Variants in MYBPC1 observed in about 807,000 individuals in gnomAD.
The protein encoded by MYBPC1 is myosin-binding protein C, slow-type.
MYBPC1 carries 52 observed loss-of-function variants against 147.1 expected under a neutral mutation model. The ratio of observed to expected loss-of-function variants is 0.35; its 90% CI spans 0.28 to 0.45. The LOEUF (loss-of-function observed/expected upper bound fraction) is 0.45. MYBPC1 is among the 20% of genes least tolerant of loss of function. The pLI is 1.00. For synonymous variants in MYBPC1, 477 were observed against 475.9 expected (o/e 1.00, Z -0.03); for missense variants, 1,228 against 1,440.3 (o/e 0.85, Z 2.39).
At chr12:101,643,350 A>G (rs1892453399) in intron 11 of MYBPC1, among the ~76,000 whole-genome samples, 1 of 152,176 alleles carries the variant, frequency 6.6e-6, no homozygotes, top group South Asian at 2.1e-4. Flanking sequence ...TAGTTCAGCC[A>G]TTCCCACTAT....
chr12:101,693,322 TATAGTTAC>T, the MYBPC1 span, among the ~76,000 whole-genome samples: 1 of 152,196 alleles, frequency 6.6e-6, no homozygotes, highest in East Asian at 1.9e-4. Context: ...TATGTAGATA[TATAGTTAC>T]ATAGATTGCA....
At chr12:101,656,767 C>A (rs910073878) in intron 18 of MYBPC1, among the ~76,000 whole-genome samples, 1 of 151,986 alleles carries the variant, frequency 6.6e-6, no homozygotes, top group Non-Finnish European at 1.5e-5. Context: ...TTTTGACATC[C>A]CTCTATCAGA....
At chr12:101,651,503 A>C in intron 16 of MYBPC1, 110 bp downstream of exon 16, 2 of 1,420,174 alleles carry the variant, frequency 1.4e-6, no homozygotes, top group Non-Finnish European at 9.9e-7. Flanking sequence ...TAGGGAGATC[A>C]TCTATTCCTG....
At chr12:101,682,203 A>G (rs966843802) in intron 29 of MYBPC1, among the ~76,000 whole-genome samples, 1 of 152,130 alleles carries the variant, frequency 6.6e-6, no homozygotes, top group Non-Finnish European at 1.5e-5. Context: ...AAAAACAAAA[A>G]CTAAAAAAAA....
rs771186865 is a variant in MYBPC1 at position 101,659,743 on chromosome 12, A to G, written c.1839A>G (p.Ile613Met). ...YPDSSTLVID[I>M]AERDDSGVYH... ...ATAGCAGCACTCTGGTCATTGATAT[A>G]GCTGAAAGAGATGACTCTGGTGTTT... The change falls in exon 19 of 32, where the codon ATA (isoleucine) becomes ATG (methionine). Residue 613 changes from isoleucine to methionine, a missense_variant. Physicochemically the swap from Ile to Met is conservative, Grantham distance 10. Transcript: ENST00000361466. The G allele has an allele frequency of 1.9e-6, 3 of 1,614,004 alleles. No individual in the cohort carries two copies. In the African/African-American group the frequency reaches 4.0e-5, roughly 22 times the overall value.
rs80107650 is a variant in MYBPC1 at position 101,599,978 on chromosome 12, G to T, written c.25+4883G>T. On this transcript the variant is annotated intron_variant, in intron 1 of 31. Coordinates refer to ENST00000361466, the MANE Select transcript of MYBPC1 (RefSeq NM_002465.4). ...AGTAGCCTGCTTTTATGACTGCTCC[G>T]ACTGCACCTGTTAGGAAGATAAATA... Among the ~76,000 whole-genome samples, 1,064 of 152,240 alleles carry T rather than the reference G, an allele frequency of 7.0e-3. 31 individuals are homozygous for T. The South Asian group carries it at 0.098, about 14-fold the overall frequency.
intron 14 of MYBPC1, 77 bp downstream of exon 14, chr12:101,648,227 T>C: frequency 9.9e-7 from 1 of 1,011,182 alleles, no homozygotes; most frequent in East Asian, 2.6e-5. Flanking sequence ...GAACAGGAAG[T>C]ACAAATAGCT....
chr12:101,643,293 T>TGAGAAATGGCCCCA (rs1892439657), intron 11 of MYBPC1, among the ~76,000 whole-genome samples: 1 of 152,200 alleles, frequency 6.6e-6, no homozygotes, highest in African/African-American at 2.4e-5. Flanking sequence ...GGAAACTGGT[T>TGAGAAATGGCCCCA]GAGAAATGGC....
chr12:101,634,519 G>A, intron 8 of MYBPC1, 35 bp from the exon 9 acceptor site: 1 of 1,538,756 alleles, frequency 6.5e-7, no homozygotes, highest in Non-Finnish European at 9.0e-7. Flanking sequence ...CCTCCTTAAT[G>A]GGTATTTATG....
intron 28 of MYBPC1, among the ~76,000 whole-genome samples, chr12:101,679,189 C>A (rs909268946): frequency 6.6e-6 from 1 of 150,452 alleles, no homozygotes; most frequent in African/African-American, 2.4e-5. Flanking sequence ...AGAAGTCAGA[C>A]TAAGGATGAG....
chr12:101,649,715 C>T (rs1388567164), intron 15 of MYBPC1, among the ~76,000 whole-genome samples: 1 of 152,088 alleles, frequency 6.6e-6, no homozygotes, highest in East Asian at 1.9e-4. Context: ...TACTTAGATA[C>T]GATGTCATAT....
chr12:101,666,868 A>G (rs1897535435), intron 22 of MYBPC1: 24 of 1,277,832 alleles, frequency 1.9e-5, no homozygotes, highest in Admixed American at 3.5e-5. Context: ...TGAATGACCA[A>G]GCATGAAGAA....
intron 30 of MYBPC1, among the ~76,000 whole-genome samples, chr12:101,683,083 AT>A (rs900924820): frequency 8.5e-5 from 13 of 152,062 alleles, no homozygotes; most frequent in African/African-American, 3.1e-4. Flanking sequence ...CATTTCAAAC[AT>A]TTTTTTTGAT....
At chr12:101,692,947 C>CTTTTT in the MYBPC1 span, among the ~76,000 whole-genome samples, 5 of 129,130 alleles carry the variant, frequency 3.9e-5, no homozygotes, top group African/African-American at 5.7e-5. Flanking sequence ...ATTACCTTCA[C>CTTTTT]TTTTTTTTTT....
intron 25 of MYBPC1, 78 bp downstream of exon 25, chr12:101,673,700 C>A: frequency 6.6e-7 from 1 of 1,506,144 alleles, no homozygotes; most frequent in Non-Finnish European, 9.2e-7. Flanking sequence ...AAGGCAAGAG[C>A]AGGAGTTTTG....
At chr12:101,612,766 G>T (rs538308777) in intron 1 of MYBPC1, among the ~76,000 whole-genome samples, 2 of 152,202 alleles carry the variant, frequency 1.3e-5, no homozygotes, top group Non-Finnish European at 2.9e-5. Context: ...TCTGATATCC[G>T]TGTGCTGCAA....
intron 13 of MYBPC1, among the ~76,000 whole-genome samples, chr12:101,647,795 G>A (rs1893529202): frequency 6.6e-6 from 1 of 152,202 alleles, no homozygotes; most frequent in South Asian, 2.1e-4. Context: ...GCTGAGGCAG[G>A]AGAATTGCTT....
rs146949655 is a variant in MYBPC1, at chr12:101,659,765, G to A, written c.1861G>A (p.Val621Ile). ...TATAGCTGAAAGAGATGACTCTGGT[G>A]TTTACCACATCAATCTGAAAAACGA... is the stretch of plus-strand genomic sequence containing the variant. ...IDIAERDDSG[V>I]YHINLKNEAG... Residue 621 changes from valine to isoleucine, a missense_variant, in exon 19 of 32, where the codon GTT becomes ATT. This residue lies in a region of MYBPC1 where 1,077 missense variants were observed against 1,314.2 expected (regional missense o/e 0.82). Coordinates refer to ENST00000361466, the MANE Select transcript of MYBPC1 (RefSeq NM_002465.4). 5.0e-6 allele frequency: 8 copies of A among 1,613,988 alleles called. No individual in the cohort carries two copies. The African/African-American group carries it at 1.1e-4, about 22-fold the overall frequency.
Position 101,618,978 on chromosome 12 carries a change from T to C in MYBPC1, c.103+1735T>C, listed in dbSNP as rs1257002311. 4.0e-5 allele frequency among the ~76,000 whole-genome samples: 6 copies of C among 151,842 alleles called. No individual in the cohort carries two copies. The East Asian group carries it at 1.2e-3, about 29-fold the overall frequency. The stretch of plus-strand genomic sequence containing the variant: ...ACCTAGGAAGCAAATCAATTTGGGA[T>C]AGAAAGTGACATCCCTAAATAAAGA... On this transcript the variant is annotated intron_variant, in intron 3 of 31. Coordinates refer to ENST00000361466, the MANE Select transcript of MYBPC1 (RefSeq NM_002465.4).
Sources: gnomAD v4.1 joint callset for allele counts (sites outside exome capture counted in the v4.1 genomes callset) on GRCh38, gnomAD v4.1.1 for gene constraint, gnomAD v4.1.1 regional missense constraint, MANE v1.5 for transcripts, NCBI Gene and HGNC (gene_info 2026-07-23, HGNC 2026-07-21) for gene names.